Variants in MSI2 observed in about 807,000 individuals in gnomAD.
MSI2 encodes musashi RNA binding protein 2.
A neutral mutation model predicts 45.6 loss-of-function variants in MSI2; 17 were observed. The observed-to-expected ratio is 0.37, with a 90% CI of 0.26 to 0.56. MSI2 has a LOEUF of 0.56. Ranked by LOEUF, MSI2 falls within the 20% of genes least tolerant of loss-of-function variation. The pLI is 0.77. For missense variants in MSI2, 293 were observed against 444.2 expected (o/e 0.66, Z 3.06); for synonymous variants, 156 against 158.2 (o/e 0.99, Z 0.11).
intron 10 of MSI2, among the ~76,000 whole-genome samples, chr17:57,643,317 C>G (rs1448748878): frequency 6.6e-6 from 1 of 152,252 alleles, no homozygotes; most frequent in Admixed American, 6.5e-5. Context: ...ACACCACGTT[C>G]TGTTGTGGAG....
intron 7 of MSI2, among the ~76,000 whole-genome samples, chr17:57,559,256 C>A (rs1311698919): frequency 6.6e-6 from 1 of 152,168 alleles, no homozygotes; most frequent in Non-Finnish European, 1.5e-5. Flanking sequence ...CATGTGAGGA[C>A]AGCATTTGGA....
chr17:57,465,235 G>C (rs150809929), intron 6 of MSI2, among the ~76,000 whole-genome samples: 2 of 152,196 alleles, frequency 1.3e-5, no homozygotes, highest in East Asian at 3.9e-4. Flanking sequence ...GCCAAGGCGG[G>C]TGGATCACTT....
rs778647691 is a variant in MSI2, at chr17:57,627,398, C to A, written c.727+95C>A. On this transcript the variant is annotated intron_variant, in intron 10 of 13. Transcript: ENST00000284073. This position sits in a 1 kb window ranked among gnomAD's most constrained non-coding sequence, Gnocchi z 4.6. ...ACCCCTAAAGAGAATGCATTTCTTA[C>A]ATGCATCCACTTGAAAATGACCTAT... is the stretch of plus-strand genomic sequence containing the variant. The A allele has an allele frequency of 4.8e-6, 5 of 1,047,274 alleles. No homozygotes were observed. Among genetic ancestry groups the A allele is most frequent in the Non-Finnish European group, 7.5e-6 (5 of 667,232 alleles). The allele number at this position is 1,047,274 out of a possible 1,614,324, so 64.9% of individuals were successfully genotyped here.
chr17:57,310,199 T>A (rs1912265450), intron 5 of MSI2, among the ~76,000 whole-genome samples: 1 of 152,220 alleles, frequency 6.6e-6, no homozygotes. Flanking sequence ...CCTGAGGAGC[T>A]GCTGCTGGAG....
At position 57,618,725 on chromosome 17, in the gene MSI2, G is replaced by C. The variant is rs186719430; in HGVS notation, c.652+2641G>C. 1.6e-3 allele frequency among the ~76,000 whole-genome samples: 239 copies of C among 152,178 alleles called. 1 individual carries two copies. Among genetic ancestry groups the C allele is most frequent in the Non-Finnish European group, 2.4e-3 (165 of 68,010 alleles). ...CACCCAGCTAATTTTTGTATTTTTA[G>C]TAGAGACGGGATTTCACCATGTTGG... On this transcript the variant is annotated intron_variant, in intron 9 of 13. Coordinates refer to ENST00000284073, the MANE Select transcript of MSI2 (RefSeq NM_138962.4).
In MSI2 at chr17:57,468,458, T is replaced by C. The variant is rs572091957; in HGVS notation, c.406-61218T>C. ...ATGGCGTGAAACTGGGAGGCGGAGC[T>C]TGCAGTGAGCCAAGATTGCGCCACT... is the stretch of plus-strand genomic sequence containing the variant. On this transcript the variant is annotated intron_variant, in intron 6 of 13. Coordinates refer to ENST00000284073, the MANE Select transcript of MSI2 (RefSeq NM_138962.4). 2.7e-5 allele frequency among the ~76,000 whole-genome samples: 4 copies of C among 149,966 alleles called. No individual in the cohort carries two copies. In the East Asian group the frequency reaches 7.9e-4, roughly 30 times the overall value.
intron 12 of MSI2, 25 bp downstream of exon 12, chr17:57,675,151 T>A: frequency 6.3e-7 from 1 of 1,596,636 alleles, no homozygotes; most frequent in Non-Finnish European, 8.5e-7. Context: ...TCCCCTGCCC[T>A]CCTGCCTCCT....
intron 5 of MSI2, among the ~76,000 whole-genome samples, chr17:57,372,872 T>G (rs1054368395): frequency 6.6e-6 from 1 of 152,102 alleles, no homozygotes; most frequent in African/African-American, 2.4e-5. Flanking sequence ...TTTTTTTTCC[T>G]GCCAAGAGGG....
chr17:57,693,404 A>G, the MSI2 span, among the ~76,000 whole-genome samples: 6,825 of 122,492 alleles, frequency 0.056, 334 homozygotes, highest in African/African-American at 0.17. Flanking sequence ...CTGGTCTCAC[A>G]CTCCTGGCCC....
intron 6 of MSI2, among the ~76,000 whole-genome samples, chr17:57,500,072 C>T (rs1328183977): frequency 2.6e-5 from 4 of 152,102 alleles, no homozygotes; most frequent in Admixed American, 6.5e-5. Flanking sequence ...TATCGTAGAT[C>T]GCATGTGGCA....
intron 8 of MSI2, among the ~76,000 whole-genome samples, chr17:57,610,155 T>C (rs950703818): frequency 2.0e-5 from 3 of 151,770 alleles, no homozygotes; most frequent in Admixed American, 1.3e-4. Flanking sequence ...TACTCTCAAA[T>C]GGAAAAAAAA....
At chr17:57,296,258 T>C (rs1337305836) in intron 5 of MSI2, among the ~76,000 whole-genome samples, 1 of 152,156 alleles carries the variant, frequency 6.6e-6, no homozygotes, top group African/African-American at 2.4e-5. Flanking sequence ...GAAATAGGTC[T>C]TTTACAAAAT....
chr17:57,620,393 A>G (rs1908177786), intron 9 of MSI2, among the ~76,000 whole-genome samples: 2 of 152,256 alleles, frequency 1.3e-5, no homozygotes, highest in Admixed American at 1.3e-4. Flanking sequence ...TATGCTATTA[A>G]TTAAACCGCA....
chr17:57,585,369 G>A (rs2088318646), intron 7 of MSI2, among the ~76,000 whole-genome samples: 1 of 152,338 alleles, frequency 6.6e-6, no homozygotes, highest in South Asian at 2.1e-4. Context: ...GGAGGGGCTA[G>A]CTATCTTCTC....
chr17:57,444,107 T>C (rs1284636761), intron 6 of MSI2, among the ~76,000 whole-genome samples: 2 of 152,132 alleles, frequency 1.3e-5, no homozygotes, highest in African/African-American at 2.4e-5. Context: ...AACCCTTTTT[T>C]AGAAAGGACT....
chr17:57,616,488 C>T (rs538809847), intron 9 of MSI2: 16 of 154,824 alleles, frequency 1.0e-4, no homozygotes, highest in Non-Finnish European at 2.0e-4. Context: ...GCTAAGGCTA[C>T]GTTTTCTAAA....
rs192492199 is a variant in MSI2, at chr17:57,529,954, T to C, written c.454+230T>C. 3.2e-3 allele frequency among the ~76,000 whole-genome samples: 493 copies of C among 152,330 alleles called. 3 individuals carry two copies. Among genetic ancestry groups the C allele is most frequent in the Admixed American group, 9.6e-3 (147 of 15,306 alleles). On this transcript the variant is annotated intron_variant, in intron 7 of 13. Coordinates refer to ENST00000284073, the MANE Select transcript of MSI2 (RefSeq NM_138962.4). This position sits in a 1 kb window ranked among gnomAD's most constrained non-coding sequence, Gnocchi z 5.3. ...TGGCCTAGGAACTCCTGTTTAGTTATGCAGCCATCCCTGACACACATATTC... is the reference window on the plus strand; with the variant it reads ...TGGCCTAGGAACTCCTGTTTAGTTACGCAGCCATCCCTGACACACATATTC...
intron 8 of MSI2, among the ~76,000 whole-genome samples, chr17:57,604,595 C>G (rs1567930519): frequency 2.0e-5 from 3 of 152,174 alleles, no homozygotes; most frequent in African/African-American, 7.2e-5. Flanking sequence ...TCACCTGACT[C>G]ATTCTTTAAG....
rs2086770006 is a variant in MSI2, at chr17:57,529,247, G to A, written c.406-429G>A. On this transcript the variant is annotated intron_variant, in intron 6 of 13. Transcript: ENST00000284073. The surrounding 1 kb of genome is among the most constrained non-coding windows in gnomAD (Gnocchi z 5.3). ...GCCCAGGAGTTCAAGACCAGTCTGAGCAACATAGTGGGACCCTGTCTCTAA... is the reference window on the plus strand; with the variant it reads ...GCCCAGGAGTTCAAGACCAGTCTGAACAACATAGTGGGACCCTGTCTCTAA... 6.6e-6 allele frequency among the ~76,000 whole-genome samples: 1 copy of A among 152,124 alleles called. No individual in the cohort carries two copies.
Sources: allele counts gnomAD v4.1 joint callset (sites outside exome capture counted in the v4.1 genomes callset), GRCh38; gene constraint gnomAD v4.1.1; non-coding constraint Gnocchi (gnomAD v3.1); transcripts MANE v1.5; gene names NCBI Gene and HGNC (gene_info 2026-07-23, HGNC 2026-07-21).